PEX5L: variants seen among roughly 807,000 people sequenced by gnomAD.
PEX5L encodes the protein peroxisomal biogenesis factor 5 like.
PEX5L carries 30 observed loss-of-function variants against 84.0 expected under a neutral mutation model. The ratio of observed to expected loss-of-function variants is 0.36; its 90% CI spans 0.27 to 0.48. The LOEUF (loss-of-function observed/expected upper bound fraction) is 0.48. Ranked by LOEUF, PEX5L falls within the 20% of genes least tolerant of loss-of-function variation. The pLI, the probability that PEX5L is intolerant of heterozygous loss-of-function variation, is 0.99. For synonymous variants in PEX5L, 270 were observed against 283.1 expected (o/e 0.95, Z 0.46); for missense variants, 533 against 754.6 (o/e 0.71, Z 3.44).
At chr3:179,813,169 G>C (rs142687636) in intron 10 of PEX5L, among the ~76,000 whole-genome samples, 2 of 152,152 alleles carry the variant, frequency 1.3e-5, no homozygotes, top group East Asian at 3.9e-4. Flanking sequence ...TTTCTCTGGG[G>C]ACGTTTTTCT....
intron 4 of PEX5L, among the ~76,000 whole-genome samples, chr3:179,880,639 A>G (rs2108780571): frequency 6.6e-6 from 1 of 152,344 alleles, no homozygotes; most frequent in South Asian, 2.1e-4. Context: ...GGTTCACCCA[A>G]GAGAGGTATT....
At chr3:180,033,546 C>T in intron 1 of PEX5L, among the ~76,000 whole-genome samples, 1 of 152,280 alleles carries the variant, frequency 6.6e-6, no homozygotes, top group African/African-American at 2.4e-5. Context: ...ATAATTTCCT[C>T]TAACTGGAAA....
chr3:179,983,208 T>C (rs1171226977), intron 1 of PEX5L, among the ~76,000 whole-genome samples: 1 of 151,894 alleles, frequency 6.6e-6, no homozygotes, highest in African/African-American at 2.4e-5. Flanking sequence ...GACATGAACA[T>C]GACTATAGTA....
chr3:179,968,278 TAATAG>T (rs1271413301), intron 2 of PEX5L, among the ~76,000 whole-genome samples: 1 of 152,164 alleles, frequency 6.6e-6, no homozygotes, highest in Admixed American at 6.6e-5. Context: ...TAGTAATTTA[TAATAG>T]AATGAATTCA....
intron 8 of PEX5L, among the ~76,000 whole-genome samples, chr3:179,857,617 T>C (rs1744508278): frequency 1.3e-5 from 2 of 152,232 alleles, no homozygotes; most frequent in Non-Finnish European, 2.9e-5. Context: ...ATCTGTTACT[T>C]TGTAATTAAG....
intron 8 of PEX5L, among the ~76,000 whole-genome samples, chr3:179,853,560 C>T: frequency 6.6e-6 from 1 of 152,180 alleles, no homozygotes; most frequent in Non-Finnish European, 1.5e-5. Flanking sequence ...CCTCCCTGTG[C>T]ATCCTTCCTA....
chr3:180,022,884 T>C (rs1485838587), intron 1 of PEX5L, among the ~76,000 whole-genome samples: 2 of 152,214 alleles, frequency 1.3e-5, no homozygotes, highest in South Asian at 2.1e-4. Context: ...CATGCATAAA[T>C]GTTACAGGTG....
chr3:179,861,028 CA>C (rs551019603), intron 7 of PEX5L, among the ~76,000 whole-genome samples: 63 of 152,272 alleles, frequency 4.1e-4, no homozygotes, highest in South Asian at 3.5e-3. Flanking sequence ...GGATTGCAAG[CA>C]ATAATGAAGT....
At chr3:179,867,436 T>C (rs1168074850) in intron 7 of PEX5L, among the ~76,000 whole-genome samples, 1 of 152,068 alleles carries the variant, frequency 6.6e-6, no homozygotes, top group Non-Finnish European at 1.5e-5. Flanking sequence ...CTGGAAGTGG[T>C]CTTTCAGATT....
chr3:180,004,582 A>T (rs1788706880), intron 1 of PEX5L, among the ~76,000 whole-genome samples: 2 of 152,076 alleles, frequency 1.3e-5, no homozygotes, highest in South Asian at 4.1e-4. Context: ...TATCTAATTT[A>T]TTGTTTTTGT....
At chr3:179,837,833 G>A (rs1735562115) in intron 8 of PEX5L, among the ~76,000 whole-genome samples, 1 of 152,142 alleles carries the variant, frequency 6.6e-6, no homozygotes, top group African/African-American at 2.4e-5. Flanking sequence ...CAGGCTGCTT[G>A]GTTAAAACAG....
At chr3:179,820,109 C>T (rs182480714) in intron 8 of PEX5L, 133 bp from the exon 9 acceptor site, 27 of 1,304,288 alleles carry the variant, frequency 2.1e-5, no homozygotes, top group Middle Eastern at 2.0e-4. Flanking sequence ...AACTGATAGG[C>T]GTGGCTGAAG....
At chr3:179,862,603 G>A (rs534068992) in intron 7 of PEX5L, among the ~76,000 whole-genome samples, 1 of 152,102 alleles carries the variant, frequency 6.6e-6, no homozygotes, top group Admixed American at 6.5e-5. Context: ...TTGTCTTCCT[G>A]TTGGTTCCTT....
rs181257088 is a variant in PEX5L, at chr3:179,816,317, A to G, written c.940-313T>C. Among the ~76,000 whole-genome samples, 98 of 152,360 alleles carry G rather than the reference A, an allele frequency of 6.4e-4. 1 individual carries two copies. Among genetic ancestry groups the G allele is most frequent in the African/African-American group, 2.3e-3 (96 of 41,592 alleles). On this transcript the variant is annotated intron_variant, in intron 9 of 14. Transcript: ENST00000467460. The stretch of plus-strand genomic sequence containing the variant: ...TGTTTACTGCAGCACTATTCACAAT[A>G]GCAAAGACTTGGAACCAAACCAAAT...
chr3:179,983,780 G>A lies in PEX5L; in HGVS notation c.22-12115C>T, dbSNP rs544136739. On this transcript the variant is annotated intron_variant, in intron 1 of 14. Coordinates refer to ENST00000467460, the MANE Select transcript of PEX5L (RefSeq NM_016559.3). The stretch of plus-strand genomic sequence containing the variant: ...ATTAAATAGATGAATGAAAATTAGA[G>A]ATTTAGAAACTTGAATCAGCCACTG... Among the ~76,000 whole-genome samples, 105 of 152,166 alleles carry A rather than the reference G, an allele frequency of 6.9e-4. 1 individual carries two copies. Among genetic ancestry groups the A allele is most frequent in the African/African-American group, 2.5e-3 (103 of 41,560 alleles).
intron 1 of PEX5L, among the ~76,000 whole-genome samples, chr3:179,981,368 GAGGA>G (rs1786314187): frequency 6.6e-6 from 1 of 152,200 alleles, no homozygotes; most frequent in Admixed American, 6.5e-5. Flanking sequence ...GAACGGATTG[GAGGA>G]AGGAAGGCTG....
At chr3:179,839,794 T>C (rs1736353857) in intron 8 of PEX5L, among the ~76,000 whole-genome samples, 1 of 152,232 alleles carries the variant, frequency 6.6e-6, no homozygotes, top group South Asian at 2.1e-4. Context: ...AATAAATGAA[T>C]AATATAATTT....
chr3:179,855,922 T>C (rs1373365323), intron 8 of PEX5L, among the ~76,000 whole-genome samples: 2 of 152,202 alleles, frequency 1.3e-5, no homozygotes, highest in Admixed American at 6.5e-5. Context: ...ATATCTCAGG[T>C]TATTTTGTTA....
intron 1 of PEX5L, among the ~76,000 whole-genome samples, chr3:180,019,453 T>C (rs1242268966): frequency 6.6e-6 from 1 of 152,184 alleles, no homozygotes; most frequent in Admixed American, 6.5e-5. Flanking sequence ...AATTTTAGCC[T>C]CTGGTTTCTA....
Sources: gnomAD v4.1 joint callset for allele counts (sites outside exome capture counted in the v4.1 genomes callset) on GRCh38, gnomAD v4.1.1 for gene constraint, MANE v1.5 for transcripts, NCBI Gene and HGNC (gene_info 2026-07-23, HGNC 2026-07-21) for gene names.